The following FARP1 variants were observed in gnomAD, a reference collection of about 807,000 sequenced individuals.
The protein encoded by FARP1 is FERM, ARH/RhoGEF and pleckstrin domain protein 1.
A neutral mutation model predicts 128.8 loss-of-function variants in FARP1; 52 were observed. That is an observed-to-expected ratio of 0.40 (90% CI 0.32 to 0.51). FARP1 has a LOEUF of 0.51. Among genes scored for constraint, FARP1 ranks in the 20% least tolerant of loss-of-function variants. The pLI is 0.45. For synonymous variants in FARP1, 580 were observed against 551.8 expected, an observed-to-expected ratio of 1.05 and a Z score of -0.72; for missense variants, 1,333 against 1,367.9, an observed-to-expected ratio of 0.97 and a Z score of 0.40.
chr13:98,207,253 A>G (rs1295063640), intron 1 of FARP1, among the ~76,000 whole-genome samples: 1 of 152,206 alleles, frequency 6.6e-6, no homozygotes, highest in Non-Finnish European at 1.5e-5. Context: ...AGAAGTAGAA[A>G]TAACCTAGAC....
chr13:98,335,720 A>G (rs547610829), intron 2 of FARP1, among the ~76,000 whole-genome samples: 46 of 152,340 alleles, frequency 3.0e-4, no homozygotes, highest in African/African-American at 1.0e-3. Flanking sequence ...ACCTCTGCCC[A>G]CCTGGTCAAA....
At chr13:98,305,131 T>A (rs1444421676) in intron 2 of FARP1, among the ~76,000 whole-genome samples, 4 of 150,754 alleles carry the variant, frequency 2.7e-5, no homozygotes, top group African/African-American at 9.7e-5. Context: ...TTTTAATTTA[T>A]TTATTTTTTA....
intron 2 of FARP1, among the ~76,000 whole-genome samples, chr13:98,303,857 A>C (rs924884539): frequency 6.6e-6 from 1 of 152,228 alleles, no homozygotes; most frequent in Non-Finnish European, 1.5e-5. Flanking sequence ...CAATTAAGAA[A>C]TTCAAAGACT....
At chr13:98,360,090 C>CTT (rs55859311) in intron 3 of FARP1, among the ~76,000 whole-genome samples, 1,388 of 104,524 alleles carry the variant, frequency 0.013, 4 homozygotes, top group East Asian at 0.031. Context: ...GATTGTGTTG[C>CTT]TTTTTTTTTT....
intron 4 of FARP1, among the ~76,000 whole-genome samples, chr13:98,365,913 G>GTGTGTGTGTGTA (rs1239165336): frequency 1.3e-5 from 2 of 151,666 alleles, no homozygotes; most frequent in African/African-American, 4.9e-5. Context: ...GTGTGTGTGT[G>GTGTGTGTGTGTA]TGTGTTTCTG....
chr13:98,382,940 A>G (rs1889946594), intron 6 of FARP1, among the ~76,000 whole-genome samples: 1 of 152,220 alleles, frequency 6.6e-6, no homozygotes, highest in Admixed American at 6.5e-5. Flanking sequence ...TCGTTCAGGC[A>G]TGAGTTCAGC....
At chr13:98,266,670 C>G (rs1884130893) in intron 2 of FARP1, among the ~76,000 whole-genome samples, 1 of 152,104 alleles carries the variant, frequency 6.6e-6, no homozygotes, top group Admixed American at 6.5e-5. Flanking sequence ...AAAAACAACC[C>G]CAAGATGTTC....
intron 13 of FARP1, among the ~76,000 whole-genome samples, chr13:98,407,648 G>T (rs531977219): frequency 6.6e-6 from 1 of 152,260 alleles, no homozygotes; most frequent in African/African-American, 2.4e-5. Context: ...TACTGAATCT[G>T]CCTTTTCCTC....
intron 3 of FARP1, among the ~76,000 whole-genome samples, chr13:98,351,692 C>T (rs1236061324): frequency 1.3e-5 from 2 of 151,390 alleles, no homozygotes; most frequent in African/African-American, 4.9e-5. Flanking sequence ...CATGGTGAGG[C>T]CTCAGGAAGT....
rs573012297 is a variant in FARP1, at chr13:98,327,697, C to G, written c.172-16065C>G. Among the ~76,000 whole-genome samples the G allele has an allele frequency of 2.0e-4, 30 of 152,282 alleles. No homozygotes were observed. The Middle Eastern group carries it at 0.01, about 52-fold the overall frequency. Reference sequence around the variant, plus strand: ...TGGATGCCTGAAGCCATGGATAGTACCAGACCTGATTGCTGTCACTCTGGA... The same window carrying G: ...TGGATGCCTGAAGCCATGGATAGTAGCAGACCTGATTGCTGTCACTCTGGA... On this transcript the variant is annotated intron_variant, in intron 2 of 26. Transcript: ENST00000319562.
chr13:98,273,682 A>G (rs1884497003), intron 2 of FARP1, among the ~76,000 whole-genome samples: 1 of 152,242 alleles, frequency 6.6e-6, no homozygotes, highest in Non-Finnish European at 1.5e-5. Context: ...AGTAACAGTG[A>G]TGAAAATCAT....
chr13:98,274,300 G>T (rs1884533357), intron 2 of FARP1, among the ~76,000 whole-genome samples: 1 of 152,138 alleles, frequency 6.6e-6, no homozygotes, highest in Admixed American at 6.5e-5. Flanking sequence ...GGCCATGCTT[G>T]GTTTAGAAAA....
intron 24 of FARP1, among the ~76,000 whole-genome samples, chr13:98,441,502 C>T (rs1384135504): frequency 4.6e-5 from 7 of 152,202 alleles, no homozygotes; most frequent in Admixed American, 3.3e-4. Context: ...GCCAGGAGGG[C>T]GAAAGGAGCC....
chr13:98,363,436 C>T (rs1468854725), intron 3 of FARP1, among the ~76,000 whole-genome samples: 2 of 152,176 alleles, frequency 1.3e-5, no homozygotes, highest in African/African-American at 4.8e-5. Flanking sequence ...GAAGAGACTG[C>T]GGCTTCCAGT....
At chr13:98,163,798 T>C (rs1333803392) in intron 1 of FARP1, among the ~76,000 whole-genome samples, 1 of 151,664 alleles carries the variant, frequency 6.6e-6, no homozygotes, top group Admixed American at 6.6e-5. Flanking sequence ...AACCTCTGCC[T>C]CCTAGATTCA....
Position 98,454,372 on chromosome 13 carries a change from C to A in FARP1, c.*6055C>A, listed in dbSNP as rs1178482891. On this transcript the variant is annotated 3_prime_UTR_variant, in exon 27 of 27. Coordinates refer to ENST00000319562, the MANE Select transcript of FARP1 (RefSeq NM_005766.4). ...TACAACAGACTCCAAATCACAGGTCCAGGAGAGATGGCTGAGGATGTCTTT... is the reference window on the plus strand; with the variant it reads ...TACAACAGACTCCAAATCACAGGTCAAGGAGAGATGGCTGAGGATGTCTTT... The A allele has an allele frequency of 1.3e-5, 2 of 152,150 alleles. No individual in the cohort carries two copies. The highest frequency in any genetic ancestry group is 2.9e-5 in the Non-Finnish European group (2 of 68,032). The allele number at this position is 152,150 out of a possible 1,614,324, so 9.4% of individuals were successfully genotyped here. A position where few individuals can be genotyped will look rare whatever the true frequency, so the allele number is the denominator to read the frequency against.
chr13:98,158,989 C>T (rs569049957), intron 1 of FARP1, among the ~76,000 whole-genome samples: 2 of 152,182 alleles, frequency 1.3e-5, no homozygotes, highest in South Asian at 4.2e-4. Flanking sequence ...GTTCATCAGT[C>T]CTAAAGATTG....
At chr13:98,431,370 C>CGG (rs1892014921) in intron 18 of FARP1, 90 bp downstream of exon 18, 1 of 829,888 alleles carries the variant, frequency 1.2e-6, no homozygotes, top group African/African-American at 1.7e-5. Context: ...AGGGGCTCCC[C>CGG]GGGGAGAGAG....
chr13:98,397,677 G>A (rs1227499751), intron 13 of FARP1: 1 of 152,052 alleles, frequency 6.6e-6, no homozygotes, highest in Non-Finnish European at 1.5e-5. Flanking sequence ...TGACCCTAGG[G>A]ATTTTGATCT....
Sources: gnomAD v4.1 joint callset for allele counts (sites outside exome capture counted in the v4.1 genomes callset) on GRCh38, gnomAD v4.1.1 for gene constraint, MANE v1.5 for transcripts, NCBI Gene and HGNC (gene_info 2026-07-23, HGNC 2026-07-21) for gene names.